Variants in PPM1L observed in about 807,000 individuals in gnomAD.
The protein encoded by PPM1L is protein phosphatase, Mg2+/Mn2+ dependent 1L, also known as protein phosphatase 1L.
In PPM1L, 13 loss-of-function variants were observed where a neutral mutation model predicts 31.4. That is an observed-to-expected ratio of 0.41 (90% CI 0.27 to 0.66). The LOEUF is 0.66. Ranked by LOEUF, PPM1L falls within the 30% of genes least tolerant of loss-of-function variation. PPM1L has a pLI of 0.29. For synonymous variants in PPM1L, 184 were observed against 175.4 expected, an observed-to-expected ratio of 1.05 and a Z score of -0.39; for missense variants, 326 against 453.7, an observed-to-expected ratio of 0.72 and a Z score of 2.56.
At chr3:160,835,319 C>A (rs1292669110) in intron 1 of PPM1L, among the ~76,000 whole-genome samples, 1 of 151,798 alleles carries the variant, frequency 6.6e-6, no homozygotes. Flanking sequence ...GTATCCACAT[C>A]TCATTGTGTT....
chr3:160,798,871 A>G (rs779391822), intron 1 of PPM1L, among the ~76,000 whole-genome samples: 30 of 152,238 alleles, frequency 2.0e-4, no homozygotes, highest in Non-Finnish European at 2.4e-4. Flanking sequence ...AGGATTCACC[A>G]TTCTAAATGC....
intron 2 of PPM1L, among the ~76,000 whole-genome samples, chr3:161,043,552 A>G (rs1476990779): frequency 6.6e-6 from 1 of 152,240 alleles, no homozygotes; most frequent in Non-Finnish European, 1.5e-5. Flanking sequence ...CCCCACTTCT[A>G]GGGTGGTGCC....
At chr3:161,049,013 G>A (rs1719178651) in intron 2 of PPM1L, among the ~76,000 whole-genome samples, 1 of 151,578 alleles carries the variant, frequency 6.6e-6, no homozygotes, top group South Asian at 2.1e-4. Context: ...GCACCAACAT[G>A]GCACATATAT....
At chr3:160,808,381 TCC>T (rs1491444463) in intron 1 of PPM1L, among the ~76,000 whole-genome samples, 1 of 91,732 alleles carries the variant, frequency 1.1e-5, no homozygotes, top group African/African-American at 6.2e-5. Context: ...GCCAGGATTT[TCC>T]TGTGTGTGTG....
intron 1 of PPM1L, among the ~76,000 whole-genome samples, chr3:160,912,585 TAGCAATTG>T (rs1174953985): frequency 1.3e-5 from 2 of 152,222 alleles, no homozygotes; most frequent in Non-Finnish European, 2.9e-5. Flanking sequence ...CCACCAATTC[TAGCAATTG>T]ATTTATCTGG....
At chr3:160,912,769 G>A (rs1714020031) in intron 1 of PPM1L, among the ~76,000 whole-genome samples, 1 of 152,154 alleles carries the variant, frequency 6.6e-6, no homozygotes, top group African/African-American at 2.4e-5. Context: ...AAATTATGAA[G>A]TTTAGAGCAT....
At chr3:160,976,234 A>G (rs1716568244) in intron 2 of PPM1L, among the ~76,000 whole-genome samples, 1 of 144,776 alleles carries the variant, frequency 6.9e-6, no homozygotes, top group African/African-American at 2.6e-5. Context: ...CCACTTGATC[A>G]TGGTGGATAA....
At position 160,948,379 on chromosome 3, in the gene PPM1L, G is replaced by A. The variant is rs768592858; in HGVS notation, c.400-13357G>A. Among the ~76,000 whole-genome samples the A allele has an allele frequency of 5.1e-4, 77 of 152,244 alleles. No individual in the cohort carries two copies. The Middle Eastern group carries it at 0.01, about 20-fold the overall frequency. On this transcript the variant is annotated intron_variant, in intron 1 of 3. Coordinates refer to ENST00000498165, the MANE Select transcript of PPM1L (RefSeq NM_139245.4). ...GTTTGCATAGTTATGCAACACTGCC[G>A]GTGATGCTGAGTTCCTTTCCCTTCT...
At chr3:160,792,573 T>TG (rs1166065330) in intron 1 of PPM1L, among the ~76,000 whole-genome samples, 1 of 152,198 alleles carries the variant, frequency 6.6e-6, no homozygotes, top group Non-Finnish European at 1.5e-5. Context: ...AGTCCATACT[T>TG]GCAATGCAAT....
At chr3:160,970,805 T>G (rs1407427026) in intron 2 of PPM1L, among the ~76,000 whole-genome samples, 3 of 143,298 alleles carry the variant, frequency 2.1e-5, no homozygotes, top group African/African-American at 5.3e-5. Context: ...TTTTTTTTTT[T>G]TTTTGAGACG....
intron 2 of PPM1L, among the ~76,000 whole-genome samples, chr3:161,024,357 A>G (rs549489655): frequency 6.6e-6 from 1 of 152,078 alleles, no homozygotes; most frequent in African/African-American, 2.4e-5. Context: ...GCTTTTAACC[A>G]ATACCCTGGG....
intron 1 of PPM1L, among the ~76,000 whole-genome samples, chr3:160,819,460 A>G (rs1713125631): frequency 6.6e-6 from 1 of 152,066 alleles, no homozygotes. Flanking sequence ...AGATACAATG[A>G]TAATGTCAGT....
At chr3:160,969,627 G>A (rs946807283) in intron 2 of PPM1L, among the ~76,000 whole-genome samples, 7 of 152,256 alleles carry the variant, frequency 4.6e-5, no homozygotes, top group African/African-American at 7.2e-5. Flanking sequence ...TAAGGGAAGA[G>A]GTGACACTAA....
At chr3:161,046,719 C>T (rs1719092960) in intron 2 of PPM1L, among the ~76,000 whole-genome samples, 1 of 152,142 alleles carries the variant, frequency 6.6e-6, no homozygotes, top group Admixed American at 6.5e-5. Flanking sequence ...AATCCAGCAG[C>T]ACATCAAAAA....
chr3:160,989,154 G>A (rs183602126), intron 2 of PPM1L, among the ~76,000 whole-genome samples: 48 of 152,160 alleles, frequency 3.2e-4, no homozygotes, highest in East Asian at 2.5e-3. Context: ...AAAGCCCTGC[G>A]TTTCCTATTA....
chr3:161,005,533 A>T (rs1291183427), intron 2 of PPM1L, among the ~76,000 whole-genome samples: 1 of 152,186 alleles, frequency 6.6e-6, no homozygotes, highest in African/African-American at 2.4e-5. Context: ...CAGCATAATG[A>T]TTAAATACAG....
chr3:160,894,442 GA>G (rs1364525161), intron 1 of PPM1L, among the ~76,000 whole-genome samples: 1 of 152,106 alleles, frequency 6.6e-6, no homozygotes, highest in East Asian at 1.9e-4. Context: ...ATTCTACTGG[GA>G]AAAATGGCTG....
At chr3:160,856,716 C>T (rs982096733) in intron 1 of PPM1L, among the ~76,000 whole-genome samples, 1 of 151,900 alleles carries the variant, frequency 6.6e-6, no homozygotes, top group African/African-American at 2.4e-5. Context: ...ATGCTTATTA[C>T]CTGGTGATGA....
intron 1 of PPM1L, among the ~76,000 whole-genome samples, chr3:160,890,457 C>A (rs1313218889): frequency 6.6e-6 from 1 of 151,542 alleles, no homozygotes; most frequent in Non-Finnish European, 1.5e-5. Context: ...TCAAAATACA[C>A]CACACTACTC....
Sources: gnomAD v4.1 joint callset for allele counts (sites outside exome capture counted in the v4.1 genomes callset) on GRCh38, gnomAD v4.1.1 for gene constraint, MANE v1.5 for transcripts, NCBI Gene and HGNC (gene_info 2026-07-23, HGNC 2026-07-21) for gene names.